The following KLHL36 variants were observed in gnomAD, a reference collection of about 807,000 sequenced individuals.
KLHL36 encodes kelch-like protein 36.
A neutral mutation model predicts 53.3 loss-of-function variants in KLHL36; 35 were observed. The ratio of observed to expected loss-of-function variants is 0.66; its 90% confidence interval spans 0.50 to 0.87. The LOEUF is 0.87. Ranked by LOEUF, KLHL36 falls within the 40% of genes least tolerant of loss-of-function variation. KLHL36 has a pLI of 0.00. For synonymous variants in KLHL36, 472 were observed against 398.9 expected, an observed-to-expected ratio of 1.18 and a Z score of -2.18; for missense variants, 864 against 897.6, an observed-to-expected ratio of 0.96 and a Z score of 0.48.
intron 2 of KLHL36, among the ~76,000 whole-genome samples, chr16:84,652,102 G>A (rs35864964): frequency 0.18 from 27,669 of 152,022 alleles, 3,509 homozygotes; most frequent in Non-Finnish European, 0.27. Flanking sequence ...GAGAGGTCTC[G>A]CCGCTCGCTC....
intron 2 of KLHL36, among the ~76,000 whole-genome samples, chr16:84,652,983 C>T (rs758399979): frequency 2.6e-5 from 4 of 151,638 alleles, no homozygotes; most frequent in Non-Finnish European, 5.9e-5. Flanking sequence ...CCTGGGAGGC[C>T]GAGGCGGGAG....
rs1238355080 is a variant in KLHL36, at chr16:84,648,765, C to T, written c.-17+116C>T. 1 of 148,658 alleles carries T rather than the reference C, an allele frequency of 6.7e-6. No individual in the cohort carries two copies. Among genetic ancestry groups the T allele is most frequent in the Non-Finnish European group, 1.5e-5 (1 of 66,544 alleles). 9.2% of individuals were successfully genotyped at this position (148,658 alleles called of 1,614,324 possible). On this transcript the variant is annotated intron_variant, in intron 1 of 4. Transcript: ENST00000564996. This position sits in a 1 kb window ranked among gnomAD's most constrained non-coding sequence, Gnocchi z 4.9. Reference sequence around the variant, plus strand: ...CCCCGGCCACCGCGAGCCGCGACCCCCCTGCGCCCCTTGGTGCCGGGGCGG... The same window carrying T: ...CCCCGGCCACCGCGAGCCGCGACCCTCCTGCGCCCCTTGGTGCCGGGGCGG...
intron 2 of KLHL36, among the ~76,000 whole-genome samples, 195 bp downstream of exon 2, chr16:84,651,125 T>G (rs1262083277): frequency 6.6e-6 from 1 of 152,146 alleles, no homozygotes. Flanking sequence ...TGAGGGATGG[T>G]AGAGACGCTA....
Position 84,666,212 on chromosome 16 carries a change from C to G in KLHL36, c.*4079C>G, listed in dbSNP as rs765570516. 1 of 152,218 alleles carries G rather than the reference C, an allele frequency of 6.6e-6. No individual in the cohort carries two copies. Among genetic ancestry groups the G allele is most frequent in the Non-Finnish European group, 1.5e-5 (1 of 68,034 alleles). 9.4% of individuals were successfully genotyped at this position (152,218 alleles called of 1,614,324 possible). The stretch of plus-strand genomic sequence containing the variant: ...ACTTTTTGATACAATTTGCTAATAA[C>G]TGTTTTGTAGAATGCCTGCCGGGGT... On this transcript the variant is annotated 3_prime_UTR_variant, in exon 5 of 5. Coordinates refer to ENST00000564996, the MANE Select transcript of KLHL36 (RefSeq NM_024731.4).
In KLHL36 at chr16:84,661,224, A is replaced by G. The variant is rs758166419; in HGVS notation, c.1296-354A>G. Reference sequence around the variant, plus strand: ...GTATTTCCTCTTTGATGTGTGATTCATCGGGTGCATGTGTGCCTGCTAGCT... The same window carrying G: ...GTATTTCCTCTTTGATGTGTGATTCGTCGGGTGCATGTGTGCCTGCTAGCT... On this transcript the variant is annotated intron_variant, in intron 4 of 4. Coordinates refer to ENST00000564996, the MANE Select transcript of KLHL36 (RefSeq NM_024731.4). This position sits in a 1 kb window ranked among gnomAD's most constrained non-coding sequence, Gnocchi z 7.9. Among the ~76,000 whole-genome samples, 11 of 152,154 alleles carry G rather than the reference A, an allele frequency of 7.2e-5. No individual in the cohort carries two copies. The highest frequency in any genetic ancestry group is 1.6e-4 in the Non-Finnish European group (11 of 68,030).
chr16:84,649,493 T>TCC (rs1176589567), intron 1 of KLHL36, among the ~76,000 whole-genome samples: 1 of 137,786 alleles, frequency 7.3e-6, no homozygotes, highest in African/African-American at 2.6e-5. Context: ...CGGTGTCACC[T>TCC]CTCAGCGTGA....
chr16:84,666,069 C>T lies in KLHL36; in HGVS notation c.*3936C>T, dbSNP rs1265352785. The stretch of plus-strand genomic sequence containing the variant: ...CCCAGGAGGGGAGGGGAGGGGGTGG[C>T]ATCCTGGCCTCTAGGATAAATGCCT... On this transcript the variant is annotated 3_prime_UTR_variant, in exon 5 of 5. Coordinates refer to ENST00000564996, the MANE Select transcript of KLHL36 (RefSeq NM_024731.4). 5 of 152,224 alleles carry T rather than the reference C, an allele frequency of 3.3e-5. No homozygotes were observed. Among genetic ancestry groups the T allele is most frequent in the African/African-American group, 7.2e-5 (3 of 41,448 alleles). The allele number at this position is 152,224 out of a possible 1,614,324, so 9.4% of individuals were successfully genotyped here.
rs1035501305 is a variant in KLHL36, at chr16:84,664,645, C to G, written c.*2512C>G. 1.6e-4 allele frequency: 24 copies of G among 152,142 alleles called. No individual in the cohort carries two copies. The highest frequency in any genetic ancestry group is 5.3e-4 in the African/African-American group (22 of 41,422). The allele number at this position is 152,142 out of a possible 1,614,324, so 9.4% of individuals were successfully genotyped here. On this transcript the variant is annotated 3_prime_UTR_variant, in exon 5 of 5. Transcript: ENST00000564996. The stretch of plus-strand genomic sequence containing the variant: ...GATAAACAAGTTTCATCTTGTGGGT[C>G]AACTTCTAATATTTGATGGTGGCTA...
rs1426620541 is a variant in KLHL36 at position 84,661,886 on chromosome 16, C to G, written c.1604C>G (p.Ala535Gly). The G allele has an allele frequency of 6.2e-7, 1 of 1,600,398 alleles. No individual in the cohort carries two copies. The highest frequency in any genetic ancestry group is 1.7e-5 in the Admixed American group (1 of 59,548). Residue 535 changes from alanine (A) to glycine (G), a missense_variant, in exon 5 of 5, where the codon GCC becomes GGC. Physicochemically the swap from Ala to Gly is moderately conservative, Grantham distance 60 (BLOSUM62 0). Coordinates refer to ENST00000564996, the MANE Select transcript of KLHL36 (RefSeq NM_024731.4). The surrounding 1 kb of genome is among the most constrained non-coding windows in gnomAD (Gnocchi z 7.9). ...ACCCGCGTGGCGCCGCTGCTGCACG[C>G]CAACAGCGAGTCGGGCGTGGCAGTG... The part of the protein sequence containing the change: ...QWTRVAPLLH[A>G]NSESGVAVWE...
At chr16:84,655,443 A>G (rs1308842534) in intron 2 of KLHL36, among the ~76,000 whole-genome samples, 4 of 152,164 alleles carry the variant, frequency 2.6e-5, no homozygotes, top group Admixed American at 2.6e-4. Context: ...CAGGCGTGGT[A>G]GCGTGTGCCT....
Position 84,662,073 on chromosome 16 carries a change from A to T in KLHL36, c.1791A>T (p.Pro597=). The T allele has an allele frequency of 1.3e-6, 2 of 1,577,506 alleles. No homozygotes were observed. Among genetic ancestry groups the T allele is most frequent in the Non-Finnish European group, 1.7e-6 (2 of 1,160,770 alleles). ...CCGCCTGTGTCTGCGCCCTGGAGCC[A>T]CGGCCAGAGGACAAGAAGAAGAAAG... ...GGSACVCALE[P]RPEDKKKKGK... Residue 597 remains proline, a synonymous_variant, in exon 5 of 5, where the codon CCA becomes CCT. Transcript: ENST00000564996.
At chr16:84,656,641 AAAAG>A (rs1555528875) in intron 2 of KLHL36, among the ~76,000 whole-genome samples, 1 of 149,576 alleles carries the variant, frequency 6.7e-6, no homozygotes, top group African/African-American at 2.5e-5. Flanking sequence ...CAAAAAAAAA[AAAAG>A]AAAGAAAGAA....
At chr16:84,649,267 A>C (rs1906673370) in intron 1 of KLHL36, 1 of 152,408 alleles carries the variant, frequency 6.6e-6, no homozygotes. Flanking sequence ...CCCCACCCCC[A>C]CGCACTTGCA....
At chr16:84,655,498 G>A (rs901577824) in intron 2 of KLHL36, among the ~76,000 whole-genome samples, 1 of 151,976 alleles carries the variant, frequency 6.6e-6, no homozygotes, top group African/African-American at 2.4e-5. Context: ...AATCACTTGA[G>A]CCCAGGAGGT....
chr16:84,659,503 G>T, intron 3 of KLHL36: 3 of 436,200 alleles, frequency 6.9e-6, no homozygotes, highest in Non-Finnish European at 8.3e-6. Context: ...GAAGTTCGGG[G>T]GTTCAGAGCA....
At position 84,662,381 on chromosome 16, in the gene KLHL36, C is replaced by T. The variant is rs1230487411; in HGVS notation, c.*248C>T. 2 of 407,594 alleles carry T rather than the reference C, an allele frequency of 4.9e-6. No homozygotes were observed. Among genetic ancestry groups the T allele is most frequent in the East Asian group, 7.6e-5 (2 of 26,370 alleles). 25.2% of individuals were successfully genotyped at this position (407,594 alleles called of 1,614,324 possible). A position where few individuals can be genotyped will look rare whatever the true frequency, so the allele number is the denominator to read the frequency against. On this transcript the variant is annotated 3_prime_UTR_variant, in exon 5 of 5. Coordinates refer to ENST00000564996, the MANE Select transcript of KLHL36 (RefSeq NM_024731.4). The stretch of plus-strand genomic sequence containing the variant: ...CCCCTTGTATCTTCACAGGTCTTTG[C>T]CCCGTGTTATGATTCCTCATGGGTC...
chr16:84,653,293 C>A lies in KLHL36; in HGVS notation c.63+2363C>A, dbSNP rs1006064395. ...AATACCTGGTACCTGCCGCCTCCTCCCAGGTGTAAGCCCCCGACAACCTGA... is the reference window on the plus strand; with the variant it reads ...AATACCTGGTACCTGCCGCCTCCTCACAGGTGTAAGCCCCCGACAACCTGA... On this transcript the variant is annotated intron_variant, in intron 2 of 4. Coordinates refer to ENST00000564996, the MANE Select transcript of KLHL36 (RefSeq NM_024731.4). Among the ~76,000 whole-genome samples, 9 of 152,246 alleles carry A rather than the reference C, an allele frequency of 5.9e-5. No individual in the cohort carries two copies. The East Asian group carries it at 1.3e-3, about 23-fold the overall frequency.
chr16:84,655,248 G>A (rs1302345709), intron 2 of KLHL36, among the ~76,000 whole-genome samples: 4 of 152,150 alleles, frequency 2.6e-5, no homozygotes, highest in African/African-American at 9.7e-5. Context: ...GACTGGATGT[G>A]GAAATACCAC....
rs909824830 is a variant in KLHL36, at chr16:84,665,578, A to T, written c.*3445A>T. 2 of 152,180 alleles carry T rather than the reference A, an allele frequency of 1.3e-5. No homozygotes were observed. The highest frequency in any genetic ancestry group is 2.9e-5 in the Non-Finnish European group (2 of 68,042). 9.4% of individuals were successfully genotyped at this position (152,180 alleles called of 1,614,324 possible). ...TTGAGGCTATCAAGTGGGACTTCAGACCTGGCTCTGAGCAGGACCACACGT... is the reference window on the plus strand; with the variant it reads ...TTGAGGCTATCAAGTGGGACTTCAGTCCTGGCTCTGAGCAGGACCACACGT... On this transcript the variant is annotated 3_prime_UTR_variant, in exon 5 of 5. Coordinates refer to ENST00000564996, the MANE Select transcript of KLHL36 (RefSeq NM_024731.4).
Sources: gnomAD v4.1 joint callset for allele counts (sites outside exome capture counted in the v4.1 genomes callset) on GRCh38, gnomAD v4.1.1 for gene constraint, Gnocchi (gnomAD v3.1) non-coding constraint, MANE v1.5 for transcripts, NCBI Gene and HGNC (gene_info 2026-07-23, HGNC 2026-07-21) for gene names.